Variants in ECE1 observed in about 807,000 individuals in gnomAD.
ECE1 encodes the protein endothelin-converting enzyme 1.
In ECE1, 35 loss-of-function variants were observed where a neutral mutation model predicts 98.6. The observed-to-expected ratio is 0.35, with a 90% CI of 0.27 to 0.47. The LOEUF is 0.47. ECE1 is among the 20% of genes least tolerant of loss of function. The pLI, the probability that ECE1 is intolerant of heterozygous loss-of-function variation, is 1.00. For synonymous variants in ECE1, 394 were observed against 407.1 expected (o/e 0.97, Z 0.39); for missense variants, 814 against 1,025.3 (o/e 0.79, Z 2.81).
chr1:21,264,315 C>A lies in ECE1; in HGVS notation c.494-3923G>T, dbSNP rs1359487487. ...GGCACTGGAATATACCAATTCCCCCCCCCCCTTTTTTTTTTTTGACACTGA... is the reference window on the plus strand; with the variant it reads ...GGCACTGGAATATACCAATTCCCCCACCCCCTTTTTTTTTTTTGACACTGA... On this transcript the variant is annotated intron_variant, in intron 4 of 18. Transcript: ENST00000374893. Among the ~76,000 whole-genome samples the A allele has an allele frequency of 5.1e-5, 4 of 78,786 alleles. No individual in the cohort carries two copies. The East Asian group carries it at 4.3e-3, about 85-fold the overall frequency. The allele number at this position is 78,786 out of a possible 152,430, so 51.7% of individuals were successfully genotyped here. A position where few individuals can be genotyped will look rare whatever the true frequency, so the allele number is the denominator to read the frequency against.
intron 8 of ECE1, among the ~76,000 whole-genome samples, chr1:21,253,646 C>T (rs2098215767): frequency 6.6e-6 from 1 of 151,138 alleles, no homozygotes; most frequent in Non-Finnish European, 1.5e-5. Context: ...GCCTGTAGTC[C>T]CAGCTACTCG....
intron 1 of ECE1, among the ~76,000 whole-genome samples, chr1:21,337,637 G>A (rs1470827694): frequency 6.6e-6 from 1 of 152,164 alleles, no homozygotes; most frequent in Non-Finnish European, 1.5e-5. Context: ...AATAACAGCA[G>A]GTGACACCGA....
At chr1:21,302,772 ACGGAAATGTAG>A (rs1352461868) in intron 1 of ECE1, among the ~76,000 whole-genome samples, 1 of 152,074 alleles carries the variant, frequency 6.6e-6, no homozygotes, top group Non-Finnish European at 1.5e-5. Context: ...GAAGGTGATG[ACGGAAATGTAG>A]CAGTGTTTTG....
At chr1:21,257,787 C>G (rs1017574408) in intron 6 of ECE1, among the ~76,000 whole-genome samples, 197 bp from the exon 7 acceptor site, 4 of 136,096 alleles carry the variant, frequency 2.9e-5, no homozygotes, top group African/African-American at 7.5e-5. Context: ...TCCACGTGGC[C>G]CCCCCCCGCA....
intron 1 of ECE1, among the ~76,000 whole-genome samples, chr1:21,313,561 G>A (rs1163884113): frequency 6.6e-6 from 1 of 152,154 alleles, no homozygotes; most frequent in African/African-American, 2.4e-5. Flanking sequence ...GATGCAGGTG[G>A]GAGTGGGGGA....
intron 1 of ECE1, chr1:21,298,582 A>C: frequency 2.7e-6 from 1 of 373,318 alleles, no homozygotes; most frequent in Admixed American, 3.3e-5. Flanking sequence ...GAAGCAGCAC[A>C]TGGGAGGGAA....
intron 11 of ECE1, among the ~76,000 whole-genome samples, chr1:21,237,207 G>A (rs2103241128): frequency 6.6e-6 from 1 of 152,238 alleles, no homozygotes; most frequent in South Asian, 2.1e-4. Flanking sequence ...TTGCCTTATT[G>A]GACCACAGCA....
chr1:21,314,174 G>A (rs1435887414), intron 1 of ECE1, among the ~76,000 whole-genome samples: 1 of 152,196 alleles, frequency 6.6e-6, no homozygotes, highest in Non-Finnish European at 1.5e-5. Context: ...CAAGTCCAAG[G>A]TTGCACAGCT....
At chr1:21,311,833 T>A (rs1469603716) in intron 1 of ECE1, among the ~76,000 whole-genome samples, 1 of 150,010 alleles carries the variant, frequency 6.7e-6, no homozygotes, top group African/African-American at 2.5e-5. Context: ...TTTTTAAATT[T>A]AAAAAATTGG....
intron 1 of ECE1, among the ~76,000 whole-genome samples, chr1:21,308,980 A>G (rs1478761694): frequency 6.6e-6 from 1 of 152,232 alleles, no homozygotes; most frequent in Non-Finnish European, 1.5e-5. Flanking sequence ...TCTGGAGATT[A>G]TCACAGTTTG....
chr1:21,235,916 G>C lies in ECE1; in HGVS notation c.1500C>G (p.Ile500Met). ...RKSAKEKADAIYNMIGYPNFI... is the reference protein window; with the variant it reads ...RKSAKEKADAMYNMIGYPNFI... ...AGTTGGGGTATCCTATCATGTTGTA[G>C]ATGGCATCGGCCTGGACAGGACAGA... is the stretch of plus-strand genomic sequence containing the variant. Residue 500 changes from isoleucine (I) to methionine (M), a missense_variant, in exon 13 of 19, where the codon ATC (isoleucine) becomes ATG (methionine). Physicochemically the swap from Ile to Met is conservative, Grantham distance 10 (BLOSUM62 1). This residue lies in a region of ECE1 where 452 missense variants were observed against 567.3 expected (regional missense o/e 0.80). Transcript: ENST00000374893. The surrounding 1 kb of genome is among the most constrained non-coding windows in gnomAD (Gnocchi z 4.2). The C allele has an allele frequency of 6.2e-7, 1 of 1,614,198 alleles. No individual in the cohort carries two copies. The highest frequency in any genetic ancestry group is 8.5e-7 in the Non-Finnish European group (1 of 1,180,018).
At chr1:21,282,858 G>A (rs1211388593) in intron 2 of ECE1, among the ~76,000 whole-genome samples, 2 of 151,594 alleles carry the variant, frequency 1.3e-5, no homozygotes, top group African/African-American at 2.4e-5. Context: ...AACAATGGCA[G>A]CAAATAAATA....
upstream of ECE1, chr1:21,293,714 G>A (rs892920697): frequency 6.6e-6 from 1 of 152,190 alleles, no homozygotes; most frequent in East Asian, 1.9e-4. Context: ...AAGGCTTGGC[G>A]GGCTCTGCTT....
intron 8 of ECE1, among the ~76,000 whole-genome samples, chr1:21,253,034 A>ATTATTTTATT (rs149724130): frequency 4.9e-4 from 73 of 147,728 alleles, no homozygotes; most frequent in Non-Finnish European, 8.7e-4. Flanking sequence ...GGACTTCTTT[A>ATTATTTTATT]TTATTTTATT....
intron 10 of ECE1, among the ~76,000 whole-genome samples, 198 bp downstream of exon 10, chr1:21,244,791 C>T (rs1415495075): frequency 6.6e-6 from 1 of 152,140 alleles, no homozygotes; most frequent in Non-Finnish European, 1.5e-5. Flanking sequence ...CATCTATCAT[C>T]ACTACTGGCA....
chr1:21,272,899 A>C lies in ECE1; in HGVS notation c.293T>G (p.Val98Gly), dbSNP rs779764565. 3 of 1,614,186 alleles carry C rather than the reference A, an allele frequency of 1.9e-6. No homozygotes were observed. Among genetic ancestry groups the C allele is most frequent in the South Asian group, 1.1e-5 (1 of 91,082 alleles). Residue 98 changes from valine (V) to glycine (G), a missense_variant, in exon 4 of 19, where the codon GTG becomes GGG. By Grantham distance (109) the Val-to-Gly change is moderately radical. Around this residue, in one of 3 missense-constraint regions of ECE1, gnomAD observed 257 missense variants for 278.9 expected, o/e 0.92. Coordinates refer to ENST00000374893, the MANE Select transcript of ECE1 (RefSeq NM_001397.3). ...TGAGACACAAGCTTCGCTCAGGCAC[A>C]CAGAGGGGGATCCTGGAAGGGTTAA... Reference protein sequence around the residue: ...GIQYQTRSPSVCLSEACVSVT... With the variant: ...GIQYQTRSPSGCLSEACVSVT...
Position 21,272,769 on chromosome 1 carries a change from A to T in ECE1, c.423T>A (p.Asp141Glu), listed in dbSNP as rs1448232717. Residue 141 changes from aspartate to glutamate, a missense_variant, in exon 4 of 19, where the codon GAT becomes GAA. Physicochemically the swap from Asp to Glu is conservative, Grantham distance 45 (BLOSUM62 2). Transcript: ENST00000374893. The part of the protein sequence containing the change: ...GGWIKANPVP[D>E]GHSRWGTFSN... ...TGAAGGTCCCCCAGCGTGAGTGGCC[A>T]TCAGGGACTGGGTTGGCCTTGATCC... 1.9e-6 allele frequency: 3 copies of T among 1,614,176 alleles called. No homozygotes were observed. Among genetic ancestry groups the T allele is most frequent in the Non-Finnish European group, 2.5e-6 (3 of 1,180,060 alleles).
intron 1 of ECE1, among the ~76,000 whole-genome samples, chr1:21,330,007 T>C (rs471359): frequency 0.11 from 16,956 of 151,986 alleles, 1,196 homozygotes; most frequent in East Asian, 0.38. Flanking sequence ...AAATTTTGGC[T>C]CTGCTACTAC....
chr1:21,308,483 G>C (rs1638645351), intron 1 of ECE1, among the ~76,000 whole-genome samples: 1 of 151,990 alleles, frequency 6.6e-6, no homozygotes, highest in Non-Finnish European at 1.5e-5. Flanking sequence ...CTTGTGAGAG[G>C]GAGGGGCCAG....
Sources: gnomAD v4.1 joint callset for allele counts (sites outside exome capture counted in the v4.1 genomes callset) on GRCh38, gnomAD v4.1.1 for gene constraint, gnomAD v4.1.1 regional missense constraint, Gnocchi (gnomAD v3.1) non-coding constraint, MANE v1.5 for transcripts, NCBI Gene and HGNC (gene_info 2026-07-23, HGNC 2026-07-21) for gene names.